SLC9C2: variants seen among roughly 807,000 people sequenced by gnomAD.
The protein encoded by SLC9C2 is solute carrier family 9 member C2 (putative).
In SLC9C2, 75 loss-of-function variants were observed where a neutral mutation model predicts 140.2. The observed-to-expected ratio is 0.53, with a 90% CI of 0.44 to 0.65. SLC9C2 has a LOEUF of 0.65. SLC9C2 is among the 30% of genes least tolerant of loss of function. The probability of loss-of-function intolerance (pLI) is 0.00; values close to 1 mark genes in which losing one functional copy is unlikely to be tolerated. For synonymous variants in SLC9C2, 375 were observed against 420.9 expected (o/e 0.89, Z 1.34); for missense variants, 1,074 against 1,331.8 (o/e 0.81, Z 3.01).
intron 13 of SLC9C2, among the ~76,000 whole-genome samples, chr1:173,542,289 C>T (rs536166003): frequency 6.6e-6 from 1 of 151,586 alleles, no homozygotes; most frequent in Admixed American, 6.6e-5. Context: ...GACACATACA[C>T]CCTCCCAAGA....
At chr1:173,580,634 T>C (rs944085664) in intron 7 of SLC9C2, among the ~76,000 whole-genome samples, 1 of 152,216 alleles carries the variant, frequency 6.6e-6, no homozygotes, top group African/African-American at 2.4e-5. Context: ...ATTACAGGCG[T>C]GAGCCACTGC....
intron 11 of SLC9C2, among the ~76,000 whole-genome samples, chr1:173,552,020 G>T (rs1411673861): frequency 1.3e-5 from 2 of 152,192 alleles, no homozygotes; most frequent in Non-Finnish European, 2.9e-5. Context: ...CACACCAATG[G>T]TAAGAAGGCA....
chr1:173,580,444 C>G (rs562032638), intron 7 of SLC9C2, among the ~76,000 whole-genome samples: 1 of 152,098 alleles, frequency 6.6e-6, no homozygotes, highest in Non-Finnish European at 1.5e-5. Flanking sequence ...CTCTGCCTCC[C>G]GGGTACAAGG....
intron 23 of SLC9C2, among the ~76,000 whole-genome samples, chr1:173,513,917 A>T (rs1384606907): frequency 1.3e-5 from 2 of 152,178 alleles, no homozygotes; most frequent in African/African-American, 4.8e-5. Context: ...TTTACCCAGG[A>T]GTTATTCAGG....
intron 8 of SLC9C2, 92 bp from the exon 9 acceptor site, chr1:173,573,417 A>C: frequency 2.1e-6 from 2 of 963,224 alleles, no homozygotes; most frequent in Non-Finnish European, 3.0e-6. Context: ...TATATCTACC[A>C]TGCTGTCTTA....
intron 23 of SLC9C2, among the ~76,000 whole-genome samples, chr1:173,514,166 C>G (rs1660248085): frequency 6.6e-6 from 1 of 152,206 alleles, no homozygotes; most frequent in Non-Finnish European, 1.5e-5. Context: ...CTGTAGATGT[C>G]TATTAGTTCC....
rs758982957 is a variant in SLC9C2, at chr1:173,524,863, A to C, written c.2430T>G (p.Asn810Lys). The change falls in exon 20 of 28, where the codon AAT becomes AAG. Residue 810 changes from asparagine to lysine, a missense_variant. Coordinates refer to ENST00000367714, the MANE Select transcript of SLC9C2 (RefSeq NM_178527.4). The part of the protein sequence containing the change: ...IALKTKQAIR[N>K]VIAKALKNLT... ...GATTTTTTAGAGCTTTAGCAATCACATTCCGGATTGCCTGTTTAGTCTTCA... is the reference window on the plus strand; with the variant it reads ...GATTTTTTAGAGCTTTAGCAATCACCTTCCGGATTGCCTGTTTAGTCTTCA... 6.2e-7 allele frequency: 1 copy of C among 1,614,082 alleles called. No individual in the cohort carries two copies. Among genetic ancestry groups the C allele is most frequent in the Non-Finnish European group, 8.5e-7 (1 of 1,179,964 alleles).
chr1:173,569,136 T>C (rs1396013409), intron 9 of SLC9C2, among the ~76,000 whole-genome samples: 2 of 152,068 alleles, frequency 1.3e-5, no homozygotes, highest in Non-Finnish European at 2.9e-5. Context: ...TGCCACTCTC[T>C]CCTAGTCTGT....
chr1:173,545,754 C>G (rs1389591516), intron 13 of SLC9C2, among the ~76,000 whole-genome samples: 1 of 152,116 alleles, frequency 6.6e-6, no homozygotes, highest in African/African-American at 2.4e-5. Context: ...GGCCAGTGGG[C>G]AAACTGTGGA....
At chr1:173,556,884 C>T (rs1165582014) in intron 10 of SLC9C2, among the ~76,000 whole-genome samples, 1 of 150,274 alleles carries the variant, frequency 6.7e-6, no homozygotes, top group Non-Finnish European at 1.5e-5. Flanking sequence ...GCCAAGATTG[C>T]ACCACTGCAC....
In SLC9C2 at chr1:173,524,007, A is replaced by C. The variant is rs1489600458; in HGVS notation, c.2602T>G (p.Trp868Gly). The change falls in exon 21 of 28, where the codon TGG (tryptophan) becomes GGG (glycine). Residue 868 changes from tryptophan (W) to glycine (G), a missense_variant. Physicochemically the swap from Trp to Gly is radical, Grantham distance 184. Transcript: ENST00000367714. ...ATGAGAACATCTTTACCTTCCAGCCAAATGATGTTGTGAAGGTATATGTCA... is the reference window on the plus strand; with the variant it reads ...ATGAGAACATCTTTACCTTCCAGCCCAATGATGTTGTGAAGGTATATGTCA... ...TPDIYLHNII[W>G]LEGKDVLIDF... The C allele has an allele frequency of 6.2e-7, 1 of 1,613,668 alleles. No homozygotes were observed. Among genetic ancestry groups the C allele is most frequent in the Non-Finnish European group, 8.5e-7 (1 of 1,179,816 alleles).
At position 173,601,784 on chromosome 1, in the gene SLC9C2, G is replaced by T. The variant is rs745571142; in HGVS notation, c.-8C>A. On this transcript the variant is annotated 5_prime_UTR_variant, in exon 2 of 28. Transcript: ENST00000367714. The stretch of plus-strand genomic sequence containing the variant: ...CCAGAAGTAAGAACTCATTTTTGCT[G>T]CTGCTTTTCCCCAGACCTAACTTGA... The T allele has an allele frequency of 6.9e-5, 112 of 1,613,214 alleles. No homozygotes were observed. Among genetic ancestry groups the T allele is most frequent in the Non-Finnish European group, 9.2e-5 (109 of 1,179,714 alleles).
chr1:173,503,432 C>G, intron 26 of SLC9C2, 106 bp from the exon 27 acceptor site: 1 of 1,002,098 alleles, frequency 1.0e-6, no homozygotes, highest in South Asian at 1.5e-5. Flanking sequence ...CTATAAGTTT[C>G]CCTTTTCCCT....
At chr1:173,571,565 G>T (rs1664845552) in intron 9 of SLC9C2, 1 of 151,946 alleles carries the variant, frequency 6.6e-6, no homozygotes, top group South Asian at 2.1e-4. Flanking sequence ...TCCTCACCAT[G>T]CTTTATTTAT....
In SLC9C2 at chr1:173,502,784, T is replaced by A. The variant is rs188576673; in HGVS notation, c.3371+482A>T. On this transcript the variant is annotated intron_variant, in intron 27 of 27. Coordinates refer to ENST00000367714, the MANE Select transcript of SLC9C2 (RefSeq NM_178527.4). Reference sequence around the variant, plus strand: ...GTTTTTTAATATAAAATGTTTCAAATAACCTACCAGTTAAATGAGTTAACC... The same window carrying A: ...GTTTTTTAATATAAAATGTTTCAAAAAACCTACCAGTTAAATGAGTTAACC... 2.2e-3 allele frequency among the ~76,000 whole-genome samples: 338 copies of A among 152,344 alleles called. 4 individuals are homozygous for A. The highest frequency in any genetic ancestry group is 7.9e-3 in the African/African-American group (327 of 41,574).
intron 4 of SLC9C2, among the ~76,000 whole-genome samples, chr1:173,597,531 T>C (rs1305247603): frequency 6.6e-6 from 1 of 152,046 alleles, no homozygotes; most frequent in Non-Finnish European, 1.5e-5. Context: ...CAAGTAACAA[T>C]CTTTGCAGGG....
In SLC9C2 at chr1:173,602,923, C is replaced by T. The variant is rs1218438605; in HGVS notation, c.-252G>A. ...CCTGCTATCCTCACATGTAATGACC[C>T]TCAAATTAAGTTCTACAAATTACCC... On this transcript the variant is annotated 5_prime_UTR_variant, in exon 1 of 28. Transcript: ENST00000367714. 1 of 152,170 alleles carries T rather than the reference C, an allele frequency of 6.6e-6. No individual in the cohort carries two copies. The highest frequency in any genetic ancestry group is 1.5e-5 in the Non-Finnish European group (1 of 68,042). 9.4% of individuals were successfully genotyped at this position (152,170 alleles called of 1,614,324 possible). A position where few individuals can be genotyped will look rare whatever the true frequency, so the allele number is the denominator to read the frequency against.
chr1:173,553,488 G>GC (rs757933384), intron 11 of SLC9C2, among the ~76,000 whole-genome samples: 16 of 152,218 alleles, frequency 1.1e-4, no homozygotes, highest in Non-Finnish European at 2.2e-4. Flanking sequence ...AATTGCCACA[G>GC]CTGCCCAATC....
intron 26 of SLC9C2, among the ~76,000 whole-genome samples, chr1:173,504,078 C>T (rs149639949): frequency 6.4e-4 from 98 of 152,194 alleles, no homozygotes; most frequent in Non-Finnish European, 1.2e-3. Flanking sequence ...GACTCCTGTG[C>T]CCCAAGAGTG....
Sources: gnomAD v4.1 joint callset for allele counts (sites outside exome capture counted in the v4.1 genomes callset) on GRCh38, gnomAD v4.1.1 for gene constraint, MANE v1.5 for transcripts, NCBI Gene and HGNC (gene_info 2026-07-23, HGNC 2026-07-21) for gene names.